The following ATP10A variants were observed in gnomAD, a reference collection of about 807,000 sequenced individuals.
ATP10A encodes the protein phospholipid-transporting ATPase VA.
ATP10A carries 111 observed loss-of-function variants against 147.8 expected under a neutral mutation model. The ratio of observed to expected loss-of-function variants is 0.75; its 90% CI spans 0.64 to 0.88. The LOEUF (loss-of-function observed/expected upper bound fraction) is 0.88, where lower values mean the gene tolerates loss of function less well. Ranked by LOEUF, ATP10A falls within the 40% of genes least tolerant of loss-of-function variation. The probability of loss-of-function intolerance (pLI) is 0.00; values close to 1 mark genes in which losing one functional copy is unlikely to be tolerated. For synonymous variants in ATP10A, 875 were observed against 841.6 expected (o/e 1.04, Z -0.69); for missense variants, 1,927 against 1,959.0 (o/e 0.98, Z 0.31).
intron 1 of ATP10A, among the ~76,000 whole-genome samples, chr15:25,793,397 A>G (rs1345100): frequency 0.52 from 78,337 of 152,044 alleles, 20,640 homozygotes; most frequent in South Asian, 0.66. Flanking sequence ...CTTTCTTCAT[A>G]AAGCTCCTAA....
intron 2 of ATP10A, among the ~76,000 whole-genome samples, chr15:25,743,089 C>A (rs1409576284): frequency 3.9e-5 from 6 of 152,130 alleles, no homozygotes. Flanking sequence ...TCTGGAGCCT[C>A]AGTGTATTTG....
chr15:25,730,904 G>A (rs1039037976), intron 3 of ATP10A, among the ~76,000 whole-genome samples: 1 of 152,164 alleles, frequency 6.6e-6, no homozygotes, highest in African/African-American at 2.4e-5. Flanking sequence ...GTCAACTAAA[G>A]GTGGCAAGGC....
upstream of ATP10A, among the ~76,000 whole-genome samples, chr15:25,864,311 C>T (rs1893902260): frequency 6.6e-6 from 1 of 152,212 alleles, no homozygotes; most frequent in African/African-American, 2.4e-5. Flanking sequence ...TGTTTCATGG[C>T]TGTGACTGTT....
intron 1 of ATP10A, among the ~76,000 whole-genome samples, chr15:25,817,470 G>A (rs1302568066): frequency 6.6e-6 from 1 of 152,188 alleles, no homozygotes; most frequent in Non-Finnish European, 1.5e-5. Context: ...TTTCCAATTT[G>A]GATAGTATAA....
At chr15:25,747,876 A>G (rs1887928862) in intron 2 of ATP10A, among the ~76,000 whole-genome samples, 1 of 152,252 alleles carries the variant, frequency 6.6e-6, no homozygotes, top group Non-Finnish European at 1.5e-5. Flanking sequence ...AATTTATTTT[A>G]TGAAGCTGGC....
At chr15:25,835,003 C>T (rs1348270149) in intron 1 of ATP10A, among the ~76,000 whole-genome samples, 1 of 152,178 alleles carries the variant, frequency 6.6e-6, no homozygotes, top group Non-Finnish European at 1.5e-5. Context: ...TTGCTCACAC[C>T]TGTAATCCCA....
At chr15:25,756,730 C>G (rs1888436234) in intron 2 of ATP10A, among the ~76,000 whole-genome samples, 1 of 152,318 alleles carries the variant, frequency 6.6e-6, no homozygotes, top group Non-Finnish European at 1.5e-5. Context: ...ACTCAAATGA[C>G]TTTTGATCCA....
At chr15:25,801,154 G>A (rs1890917812) in intron 1 of ATP10A, among the ~76,000 whole-genome samples, 1 of 152,154 alleles carries the variant, frequency 6.6e-6, no homozygotes, top group South Asian at 2.1e-4. Flanking sequence ...TAACCCACAG[G>A]CTGTCCTGTG....
chr15:25,804,184 G>A (rs4581679), intron 1 of ATP10A, among the ~76,000 whole-genome samples: 103,270 of 150,360 alleles, frequency 0.69, 37,529 homozygotes, highest in East Asian at 0.96. Flanking sequence ...GTGAGGCTGT[G>A]TTTGTATGTA....
At chr15:25,836,377 G>A (rs998675381) in intron 1 of ATP10A, among the ~76,000 whole-genome samples, 3 of 151,534 alleles carry the variant, frequency 2.0e-5, no homozygotes, top group African/African-American at 4.8e-5. Flanking sequence ...CTTCCTTTCC[G>A]CGGGTTGTCT....
At chr15:25,726,722 C>T (rs914593919) in intron 4 of ATP10A, among the ~76,000 whole-genome samples, 13 of 150,694 alleles carry the variant, frequency 8.6e-5, no homozygotes, top group African/African-American at 1.5e-4. Context: ...GGATTACAGG[C>T]GTGAGTCACC....
chr15:25,689,511 C>G (rs1202092701), intron 15 of ATP10A, among the ~76,000 whole-genome samples: 1 of 152,216 alleles, frequency 6.6e-6, no homozygotes, highest in African/African-American at 2.4e-5. Context: ...TGGCATCCCT[C>G]TCCCTCAGCA....
chr15:25,696,974 C>T (rs1321938620), intron 13 of ATP10A, among the ~76,000 whole-genome samples: 2 of 152,128 alleles, frequency 1.3e-5, no homozygotes, highest in Admixed American at 6.5e-5. Context: ...CCCCACTTGG[C>T]GCTGGATGCA....
intron 16 of ATP10A, among the ~76,000 whole-genome samples, chr15:25,685,842 A>C (rs1011501473): frequency 6.9e-6 from 1 of 145,028 alleles, no homozygotes; most frequent in Admixed American, 6.9e-5. Flanking sequence ...AAAAAAAAAA[A>C]ATCCAAAGCA....
intron 1 of ATP10A, among the ~76,000 whole-genome samples, chr15:25,842,895 A>G (rs985577381): frequency 6.6e-6 from 1 of 152,108 alleles, no homozygotes; most frequent in Non-Finnish European, 1.5e-5. Context: ...GTATGTATAC[A>G]TTTTATAGAA....
chr15:25,680,157 G>C lies in ATP10A; in HGVS notation c.3830C>G (p.Thr1277Ser). The change falls in exon 20 of 21, where the codon ACT (threonine) becomes AGT (serine). Residue 1277 changes from threonine (T) to serine (S), a missense_variant. Physicochemically the swap from Thr to Ser is moderately conservative, Grantham distance 58. Transcript: ENST00000555815. ...TGCAGCGACAGGCGTCATCAGGCAA[G>C]TCAAGTAAAACACTGGGTCACCCAG... Reference protein sequence around the residue: ...ALLGDPVFYLTCLMTPVAALL... With the variant: ...ALLGDPVFYLSCLMTPVAALL... 2 of 1,614,104 alleles carry C rather than the reference G, an allele frequency of 1.2e-6. No individual in the cohort carries two copies. The highest frequency in any genetic ancestry group is 2.2e-5 in the South Asian group (2 of 91,084).
In ATP10A at chr15:25,683,309, A is replaced by G; in HGVS notation, c.3469T>C (p.Tyr1157His). 1 of 1,614,086 alleles carries G rather than the reference A, an allele frequency of 6.2e-7. No homozygotes were observed. The highest frequency in any genetic ancestry group is 8.5e-7 in the Non-Finnish European group (1 of 1,180,024). Residue 1157 changes from tyrosine (Y) to histidine (H), a missense_variant, in exon 17 of 21, where the codon TAC (tyrosine) becomes CAC (histidine). Tyr to His is a moderately conservative substitution (Grantham distance 83). Transcript: ENST00000555815. ...ACCTCCATGTTCTGGCCACTCTTGTAGAGCTGCGGGTTGGTCAGCAGCACA... is the reference window on the plus strand; with the variant it reads ...ACCTCCATGTTCTGGCCACTCTTGTGGAGCTGCGGGTTGGTCAGCAGCACA... The part of the protein sequence containing the change: ...ANVLLTNPQL[Y>H]KSGQNMEEYR...
downstream of ATP10A, among the ~76,000 whole-genome samples, chr15:25,672,892 G>C (rs572505442): frequency 1.4e-4 from 22 of 152,270 alleles, 1 homozygote; most frequent in South Asian, 4.4e-3. Context: ...GGGAGAAGGG[G>C]TCCTAGGGCA....
chr15:25,707,777 C>T (rs1398038888), intron 12 of ATP10A, among the ~76,000 whole-genome samples, 199 bp downstream of exon 12: 1 of 152,168 alleles, frequency 6.6e-6, no homozygotes, highest in Admixed American at 6.5e-5. Context: ...TGGGGGGCAG[C>T]ACGTGCACCT....
Sources: gnomAD v4.1 joint callset for allele counts (sites outside exome capture counted in the v4.1 genomes callset) on GRCh38, gnomAD v4.1.1 for gene constraint, MANE v1.5 for transcripts, NCBI Gene and HGNC (gene_info 2026-07-23, HGNC 2026-07-21) for gene names.